DZIP1: variants seen among roughly 807,000 people sequenced by gnomAD.
The protein encoded by DZIP1 is DAZ interacting zinc finger protein 1.
In DZIP1, 97 loss-of-function variants were observed where a neutral mutation model predicts 107.6. The observed-to-expected ratio is 0.90, with a 90% CI of 0.77 to 1.07. The LOEUF (loss-of-function observed/expected upper bound fraction) is 1.07. Ranked by LOEUF, DZIP1 falls within the 50% of genes least tolerant of loss-of-function variation. The pLI, the probability that DZIP1 is intolerant of heterozygous loss-of-function variation, is 0.00. For missense variants in DZIP1, 1,035 were observed against 1,063.6 expected (o/e 0.97, Z 0.37); for synonymous variants, 390 against 386.4 (o/e 1.01, Z -0.11).
intron 7 of DZIP1, among the ~76,000 whole-genome samples, chr13:95,628,474 A>G (rs1197433828): frequency 6.6e-6 from 1 of 152,210 alleles, no homozygotes; most frequent in Admixed American, 6.5e-5. Context: ...TGGGGTGTTG[A>G]AAGTTTTGAA....
chr13:95,597,413 G>A (rs568865512), intron 15 of DZIP1, among the ~76,000 whole-genome samples: 10 of 152,178 alleles, frequency 6.6e-5, no homozygotes, highest in South Asian at 2.1e-4. Flanking sequence ...GTAGGAGAGC[G>A]GAAGCATGTT....
chr13:95,592,363 A>G (rs547160084), intron 16 of DZIP1, among the ~76,000 whole-genome samples: 1 of 152,360 alleles, frequency 6.6e-6, no homozygotes, highest in East Asian at 1.9e-4. Flanking sequence ...ATGGAAAACT[A>G]CAATTTTAAG....
chr13:95,638,681 A>C (rs1246768173), intron 5 of DZIP1, among the ~76,000 whole-genome samples: 1 of 151,966 alleles, frequency 6.6e-6, no homozygotes, highest in African/African-American at 2.4e-5. Flanking sequence ...CATGGGGGAA[A>C]AAACCCATTA....
At chr13:95,640,165 G>T (rs1878329633) in intron 5 of DZIP1, among the ~76,000 whole-genome samples, 2 of 151,900 alleles carry the variant, frequency 1.3e-5, no homozygotes, top group South Asian at 4.2e-4. Context: ...GCGAATTTTG[G>T]TATTTTTAGT....
chr13:95,620,671 A>G (rs995583239), intron 9 of DZIP1, among the ~76,000 whole-genome samples: 2 of 152,194 alleles, frequency 1.3e-5, no homozygotes, highest in African/African-American at 4.8e-5. Context: ...CACTCATAAA[A>G]TGTTACTGGG....
chr13:95,592,857 G>A (rs2044349026), intron 16 of DZIP1, among the ~76,000 whole-genome samples: 1 of 152,168 alleles, frequency 6.6e-6, no homozygotes, highest in Non-Finnish European at 1.5e-5. Context: ...TTAAGCAAAA[G>A]AAGATATAAA....
At chr13:95,594,145 T>G in intron 15 of DZIP1, 59 bp from the exon 16 acceptor site, 3 of 1,410,392 alleles carry the variant, frequency 2.1e-6, no homozygotes, top group Non-Finnish European at 2.9e-6. Flanking sequence ...ATCAAAAATC[T>G]CTAAGCAGAA....
chr13:95,614,125 CAA>C (rs11327779), intron 10 of DZIP1, among the ~76,000 whole-genome samples: 252 of 73,430 alleles, frequency 3.4e-3, no homozygotes, highest in Middle Eastern at 6.3e-3. Flanking sequence ...GACCCTGTCT[CAA>C]AAAAAAAAAA....
intron 6 of DZIP1, among the ~76,000 whole-genome samples, chr13:95,632,264 T>A (rs1877280212): frequency 6.6e-6 from 1 of 152,084 alleles, no homozygotes; most frequent in Non-Finnish European, 1.5e-5. Flanking sequence ...CACCTGCATG[T>A]CTGTTGCACA....
chr13:95,584,976 A>G, intron 21 of DZIP1, 66 bp from the exon 22 acceptor site: 2 of 1,395,466 alleles, frequency 1.4e-6, no homozygotes, highest in Non-Finnish European at 2.0e-6. Flanking sequence ...CAATCATTTT[A>G]TTGGTTAGAC....
At chr13:95,604,926 G>A (rs1344784263) in intron 14 of DZIP1, among the ~76,000 whole-genome samples, 1 of 152,146 alleles carries the variant, frequency 6.6e-6, no homozygotes, top group Non-Finnish European at 1.5e-5. Context: ...TTTATGTCCA[G>A]TGTGCTTTTA....
chr13:95,590,839 T>G (rs1328279654), intron 16 of DZIP1, among the ~76,000 whole-genome samples: 1 of 151,986 alleles, frequency 6.6e-6, no homozygotes, highest in Non-Finnish European at 1.5e-5. Flanking sequence ...TGGGTAGGCA[T>G]GAGATAGGGA....
At chr13:95,637,295 CTGAG>C (rs1877920894) in intron 5 of DZIP1, 1 of 152,112 alleles carries the variant, frequency 6.6e-6, no homozygotes, top group African/African-American at 2.4e-5. Flanking sequence ...GACATTATGG[CTGAG>C]TAAGAGAATG....
rs1045609923 is a variant in DZIP1, at chr13:95,642,135, G to A, written c.-106C>T. On this transcript the variant is annotated 5_prime_UTR_variant, in exon 4 of 23. Coordinates refer to ENST00000376829, the MANE Select transcript of DZIP1 (RefSeq NM_198968.4). ...CCGGGTTCCTCGCTTCCGCGGCGGCGGCGGCCTAAGGTCTGGGCGTCCAGG... is the reference window on the plus strand; with the variant it reads ...CCGGGTTCCTCGCTTCCGCGGCGGCAGCGGCCTAAGGTCTGGGCGTCCAGG... The A allele has an allele frequency of 9.4e-5, 130 of 1,385,342 alleles. No individual in the cohort carries two copies. The highest frequency in any genetic ancestry group is 1.2e-4 in the Non-Finnish European group (128 of 1,064,524). 85.8% of individuals were successfully genotyped at this position (1,385,342 alleles called of 1,614,324 possible). A position where few individuals can be genotyped will look rare whatever the true frequency, so the allele number is the denominator to read the frequency against.
At chr13:95,621,272 C>T (rs1037334351) in intron 9 of DZIP1, among the ~76,000 whole-genome samples, 7 of 152,298 alleles carry the variant, frequency 4.6e-5, no homozygotes, top group South Asian at 2.1e-4. Context: ...GCTGCTGGGC[C>T]GCTGGAGTGC....
chr13:95,624,339 C>T (rs550530002), intron 8 of DZIP1, among the ~76,000 whole-genome samples: 1 of 152,192 alleles, frequency 6.6e-6, no homozygotes, highest in Non-Finnish European at 1.5e-5. Flanking sequence ...CTCACTTAGC[C>T]ATAACTTGCT....
At chr13:95,607,061 T>TAA (rs1285374089) in intron 13 of DZIP1, among the ~76,000 whole-genome samples, 199 of 151,976 alleles carry the variant, frequency 1.3e-3, no homozygotes, top group Non-Finnish European at 2.5e-3. Context: ...TATTTTTTTT[T>TAA]AAAAAACACA....
At chr13:95,604,929 T>C (rs573017152) in intron 14 of DZIP1, among the ~76,000 whole-genome samples, 2 of 152,366 alleles carry the variant, frequency 1.3e-5, no homozygotes, top group South Asian at 2.1e-4. Flanking sequence ...ATGTCCAGTG[T>C]GCTTTTATCT....
At chr13:95,631,406 G>A (rs974743449) in intron 6 of DZIP1, among the ~76,000 whole-genome samples, 1 of 152,002 alleles carries the variant, frequency 6.6e-6, no homozygotes, top group East Asian at 1.9e-4. Context: ...GAAGGAGGTT[G>A]CAGTGAGCCA....
Sources: allele counts gnomAD v4.1 joint callset (sites outside exome capture counted in the v4.1 genomes callset), GRCh38; gene constraint gnomAD v4.1.1; transcripts MANE v1.5; gene names NCBI Gene and HGNC (gene_info 2026-07-23, HGNC 2026-07-21).